Variants in RASSF8 observed in about 807,000 individuals in gnomAD.
The protein encoded by RASSF8 is Ras association domain family member 8, also known as ras association domain-containing protein 8.
RASSF8 carries 22 observed loss-of-function variants against 48.5 expected under a neutral mutation model. That is an observed-to-expected ratio of 0.45 (90% CI 0.32 to 0.65). The LOEUF (loss-of-function observed/expected upper bound fraction) is 0.65. Ranked by LOEUF, RASSF8 falls within the 30% of genes least tolerant of loss-of-function variation. RASSF8 has a pLI of 0.03. For missense variants in RASSF8, 418 were observed against 489.2 expected (o/e 0.85, Z 1.37); for synonymous variants, 127 against 171.5 (o/e 0.74, Z 2.03).
In RASSF8 at chr12:26,065,151, G is replaced by A; in HGVS notation, c.757G>A (p.Glu253Lys). Residue 253 changes from glutamate (E) to lysine (K), a missense_variant, in exon 4 of 6, where the codon GAA (glutamate) becomes AAA (lysine). By Grantham distance (56) the Glu-to-Lys change is moderately conservative (BLOSUM62 1). Transcript: ENST00000689635. Reference protein sequence around the residue: ...QLQEIRQKITECENKLKDYLA... With the variant: ...QLQEIRQKITKCENKLKDYLA... ...TCAAGAAATAAGACAGAAAATAACA[G>A]AATGTGAAAACAAATTAAAGGACTA... is the stretch of plus-strand genomic sequence containing the variant. 6.2e-7 allele frequency: 1 copy of A among 1,613,934 alleles called. No individual in the cohort carries two copies. Among genetic ancestry groups the A allele is most frequent in the Middle Eastern group, 1.6e-4 (1 of 6,062 alleles).
At chr12:25,996,303 A>C (rs1282042178) in intron 2 of RASSF8, among the ~76,000 whole-genome samples, 1 of 152,236 alleles carries the variant, frequency 6.6e-6, no homozygotes, top group East Asian at 1.9e-4. Flanking sequence ...TGTGCTATGT[A>C]GTACAATTGA....
At chr12:26,064,253 T>C (rs774396589) in intron 3 of RASSF8, among the ~76,000 whole-genome samples, 4 of 152,160 alleles carry the variant, frequency 2.6e-5, no homozygotes, top group Non-Finnish European at 5.9e-5. Flanking sequence ...AGGTTTAAAG[T>C]ATAAAGTTGA....
chr12:26,064,718 C>T lies in RASSF8; in HGVS notation c.324C>T (p.Pro108=). 6.2e-7 allele frequency: 1 copy of T among 1,614,088 alleles called. No homozygotes were observed. The change falls in exon 4 of 6, where the codon CCC becomes CCT. Residue 108 remains proline, a synonymous_variant. Transcript: ENST00000689635. ...CTTTATACAGGCAGAGTCTGCCCCC[C>T]TTAGCTAAACTGAGGCCTCAGATTG... The part of the protein sequence containing the change: ...ERTLYRQSLP[P]LAKLRPQIDK...
intron 2 of RASSF8, among the ~76,000 whole-genome samples, chr12:25,998,070 A>T (rs1009042014): frequency 6.6e-6 from 1 of 152,218 alleles, no homozygotes; most frequent in African/African-American, 2.4e-5. Context: ...TGCCATATCC[A>T]TTGGTTAACG....
intron 1 of RASSF8, among the ~76,000 whole-genome samples, chr12:25,962,125 T>G (rs1214676093): frequency 1.3e-5 from 2 of 152,244 alleles, no homozygotes; most frequent in Admixed American, 6.5e-5. Context: ...TATTTATTTT[T>G]GGGATAAGAT....
At position 26,009,111 on chromosome 12, in the gene RASSF8, A is replaced by G. The variant is rs939990422; in HGVS notation, c.-109+13981A>G. 2.6e-5 allele frequency among the ~76,000 whole-genome samples: 4 copies of G among 152,352 alleles called. No individual in the cohort carries two copies. In the East Asian group the frequency reaches 5.8e-4, roughly 22 times the overall value. On this transcript the variant is annotated intron_variant, in intron 2 of 5. Coordinates refer to ENST00000689635, the MANE Select transcript of RASSF8 (RefSeq NM_001394098.1). ...ATATGATGCTTAGCTGCCAGCTATC[A>G]TAACACCATCCTTTTCTCACAAGAA...
chr12:26,072,373 C>T lies in RASSF8; in HGVS notation c.*3555C>T. 2.0e-6 allele frequency: 2 copies of T among 985,214 alleles called. No homozygotes were observed. Among genetic ancestry groups the T allele is most frequent in the Non-Finnish European group, 2.4e-6 (2 of 829,780 alleles). 61.0% of individuals were successfully genotyped at this position (985,214 alleles called of 1,614,324 possible). A position where few individuals can be genotyped will look rare whatever the true frequency, so the allele number is the denominator to read the frequency against. ...TGCTGCTTTACATCTCCAGAATAAG[C>T]TTTCGATGCCAGGACAGTGACTGCC... On this transcript the variant is annotated 3_prime_UTR_variant, in exon 6 of 6. Coordinates refer to ENST00000689635, the MANE Select transcript of RASSF8 (RefSeq NM_001394098.1).
chr12:26,065,519 C>CG, intron 4 of RASSF8, 132 bp downstream of exon 4: 1 of 1,213,206 alleles, frequency 8.2e-7, no homozygotes, highest in Non-Finnish European at 1.1e-6. Flanking sequence ...AAACTTTTGT[C>CG]GAACTCTTGT....
rs556472848 is a variant in RASSF8, at chr12:26,070,448, A to G, written c.*1630A>G. 38 of 985,372 alleles carry G rather than the reference A, an allele frequency of 3.9e-5. No homozygotes were observed. In the African/African-American group the frequency reaches 6.3e-4, roughly 16 times the overall value. 61.0% of individuals were successfully genotyped at this position (985,372 alleles called of 1,614,324 possible). A position where few individuals can be genotyped will look rare whatever the true frequency, so the allele number is the denominator to read the frequency against. ...TAGTGCAGCTAAGTGGCGGACCTCA[A>G]CTGAAGATATGAGTTTCTTTGGGTT... On this transcript the variant is annotated 3_prime_UTR_variant, in exon 6 of 6. Transcript: ENST00000689635.
Position 26,055,334 on chromosome 12 carries a change from C to T in RASSF8, c.-10C>T, listed in dbSNP as rs752303849. 5.6e-6 allele frequency: 9 copies of T among 1,611,372 alleles called. No homozygotes were observed. Among genetic ancestry groups the T allele is most frequent in the Non-Finnish European group, 6.8e-6 (8 of 1,177,626 alleles). On this transcript the variant is annotated 5_prime_UTR_variant, in exon 3 of 6. Coordinates refer to ENST00000689635, the MANE Select transcript of RASSF8 (RefSeq NM_001394098.1). ...ACTCTCAGGGACCTTGAGTGACTGG[C>T]CGGTGCACCATGGAACTTAAAGTAT...
At chr12:25,977,684 TAAG>T (rs1349888869) in intron 1 of RASSF8, among the ~76,000 whole-genome samples, 1 of 147,430 alleles carries the variant, frequency 6.8e-6, no homozygotes, top group Non-Finnish European at 1.5e-5. Flanking sequence ...AAAAAAAAAA[TAAG>T]AATCTTGCTT....
chr12:26,016,231 T>G (rs1027395593), intron 2 of RASSF8, among the ~76,000 whole-genome samples: 16 of 151,544 alleles, frequency 1.1e-4, no homozygotes, highest in Admixed American at 2.0e-4. Context: ...TATTTGTTTG[T>G]TTGGTTGGTT....
chr12:26,019,290 A>G (rs970958705), intron 2 of RASSF8, among the ~76,000 whole-genome samples: 14 of 152,334 alleles, frequency 9.2e-5, no homozygotes, highest in African/African-American at 3.1e-4. Flanking sequence ...AAAAAATAAT[A>G]TAGAAGCAAT....
At chr12:26,002,514 G>A (rs1048826180) in intron 2 of RASSF8, among the ~76,000 whole-genome samples, 4 of 151,962 alleles carry the variant, frequency 2.6e-5, no homozygotes, top group Admixed American at 6.6e-5. Flanking sequence ...AGTGGCTCAC[G>A]CTTGTAATCC....
At chr12:26,040,777 G>T (rs1591791659) in intron 2 of RASSF8, among the ~76,000 whole-genome samples, 1 of 152,070 alleles carries the variant, frequency 6.6e-6, no homozygotes, top group South Asian at 2.1e-4. Context: ...TCTGGGCATT[G>T]AATATATTCA....
chr12:25,961,086 G>A (rs706521), intron 1 of RASSF8, among the ~76,000 whole-genome samples: 88,664 of 151,996 alleles, frequency 0.58, 26,701 homozygotes, highest in South Asian at 0.71. Context: ...GCTTCTATAC[G>A]TGGTGACTTA....
intron 2 of RASSF8, among the ~76,000 whole-genome samples, chr12:26,047,076 A>G (rs1253782033): frequency 6.6e-6 from 1 of 152,210 alleles, no homozygotes; most frequent in Non-Finnish European, 1.5e-5. Flanking sequence ...ACCATCATAG[A>G]ACTTGGCACT....
Position 26,064,594 on chromosome 12 carries a change from G to C in RASSF8, c.200G>C (p.Gly67Ala), listed in dbSNP as rs753561039. ...CCTATCATATCCTTAAACAAATGGGGGCAGTATGCTAGTGATGTGCAGCTC... is the reference window on the plus strand; with the variant it reads ...CCTATCATATCCTTAAACAAATGGGCGCAGTATGCTAGTGATGTGCAGCTC... ...ENPIISLNKW[G>A]QYASDVQLIL... Residue 67 changes from glycine (G) to alanine (A), a missense_variant, in exon 4 of 6, where the codon GGG (glycine) becomes GCG (alanine). Gly to Ala is a moderately conservative substitution (Grantham distance 60). Transcript: ENST00000689635. The C allele has an allele frequency of 6.2e-7, 1 of 1,614,124 alleles. No individual in the cohort carries two copies. Among genetic ancestry groups the C allele is most frequent in the Admixed American group, 1.7e-5 (1 of 60,024 alleles).
At chr12:26,013,807 T>C (rs1942583863) in intron 2 of RASSF8, among the ~76,000 whole-genome samples, 1 of 152,242 alleles carries the variant, frequency 6.6e-6, no homozygotes, top group Admixed American at 6.5e-5. Flanking sequence ...TTTCCTTTAA[T>C]GTGGCTATTG....
Sources: allele counts gnomAD v4.1 joint callset (sites outside exome capture counted in the v4.1 genomes callset), GRCh38; gene constraint gnomAD v4.1.1; transcripts MANE v1.5; gene names NCBI Gene and HGNC (gene_info 2026-07-23, HGNC 2026-07-21).